The following HS3ST4 variants were observed in gnomAD, a reference collection of about 807,000 sequenced individuals.
HS3ST4 encodes heparan sulfate glucosamine 3-O-sulfotransferase 4.
A neutral mutation model predicts 29.2 loss-of-function variants in HS3ST4; 17 were observed. That is an observed-to-expected ratio of 0.58 (90% CI 0.40 to 0.87). HS3ST4 has a LOEUF of 0.87. Among genes scored for constraint, HS3ST4 ranks in the 40% least tolerant of loss-of-function variants. HS3ST4 has a pLI of 0.00. For missense variants in HS3ST4, 627 were observed against 634.5 expected (o/e 0.99, Z 0.13); for synonymous variants, 314 against 285.7 (o/e 1.10, Z -1.00).
At chr16:26,107,269 A>G (rs35997538) in intron 1 of HS3ST4, among the ~76,000 whole-genome samples, 16,018 of 151,956 alleles carry the variant, frequency 0.11, 997 homozygotes, top group Admixed American at 0.17. Context: ...ACACACATAT[A>G]TATGTAGTTT....
intron 1 of HS3ST4, among the ~76,000 whole-genome samples, chr16:25,874,484 C>G (rs1967808242): frequency 6.6e-6 from 1 of 152,168 alleles, no homozygotes; most frequent in South Asian, 2.1e-4. Flanking sequence ...AGACTCATGG[C>G]CTCTTCTACT....
intron 1 of HS3ST4, among the ~76,000 whole-genome samples, chr16:26,008,741 C>T (rs1405870818): frequency 1.3e-5 from 2 of 152,178 alleles, no homozygotes; most frequent in African/African-American, 4.8e-5. Flanking sequence ...ATCACTAGAA[C>T]CCAGGAGGCG....
chr16:25,939,628 C>T (rs765203790), intron 1 of HS3ST4, among the ~76,000 whole-genome samples: 3 of 152,180 alleles, frequency 2.0e-5, no homozygotes, highest in South Asian at 4.2e-4. Flanking sequence ...CGTGAGCCAC[C>T]GTACCCGGCC....
intron 1 of HS3ST4, among the ~76,000 whole-genome samples, chr16:25,949,591 A>C (rs969622621): frequency 1.3e-5 from 2 of 152,194 alleles, no homozygotes; most frequent in Non-Finnish European, 2.9e-5. Flanking sequence ...TCAGTGTAGA[A>C]TTAGGCTCTA....
intron 1 of HS3ST4, among the ~76,000 whole-genome samples, chr16:25,797,204 A>G (rs553520277): frequency 2.9e-4 from 44 of 152,350 alleles, no homozygotes; most frequent in Non-Finnish European, 5.7e-4. Flanking sequence ...CAGGTTTTCA[A>G]CTTTATCCAT....
At chr16:26,115,296 C>T (rs1026855588) in intron 1 of HS3ST4, among the ~76,000 whole-genome samples, 17 of 137,572 alleles carry the variant, frequency 1.2e-4, no homozygotes, top group African/African-American at 3.5e-4. Flanking sequence ...CAAGTATAAA[C>T]GTATATAAAT....
At chr16:25,840,966 A>ATTTG (rs145806769) in intron 1 of HS3ST4, among the ~76,000 whole-genome samples, 222 of 143,236 alleles carry the variant, frequency 1.5e-3, no homozygotes, top group Non-Finnish European at 2.7e-3. Flanking sequence ...TTTAATTTAT[A>ATTTG]TTTGTTTGTT....
At chr16:26,108,897 G>A (rs1270715078) in intron 1 of HS3ST4, among the ~76,000 whole-genome samples, 1 of 152,062 alleles carries the variant, frequency 6.6e-6, no homozygotes, top group African/African-American at 2.4e-5. Flanking sequence ...CGTATGTTAG[G>A]TGTTGAGCAT....
chr16:25,814,224 G>A (rs1303726525), intron 1 of HS3ST4, among the ~76,000 whole-genome samples: 3 of 152,058 alleles, frequency 2.0e-5, no homozygotes, highest in Non-Finnish European at 4.4e-5. Context: ...GTATGGAAAC[G>A]ATATGTGAAT....
intron 1 of HS3ST4, among the ~76,000 whole-genome samples, chr16:26,042,376 G>GTGTGTGTGTGTT (rs1969643466): frequency 6.6e-6 from 1 of 151,250 alleles, no homozygotes; most frequent in South Asian, 2.1e-4. Flanking sequence ...GTGTGTGTGT[G>GTGTGTGTGTGTT]TGTGTGTTTC....
intron 1 of HS3ST4, among the ~76,000 whole-genome samples, chr16:25,820,104 G>A (rs1967135316): frequency 6.8e-6 from 1 of 146,454 alleles, no homozygotes; most frequent in South Asian, 2.2e-4. Context: ...GTGTGAATGT[G>A]TAGATCTCTA....
intron 1 of HS3ST4, among the ~76,000 whole-genome samples, chr16:25,902,151 G>A (rs147777508): frequency 1.3e-5 from 2 of 152,200 alleles, no homozygotes; most frequent in East Asian, 3.9e-4. Flanking sequence ...ACTGTCCATG[G>A]CCTTGAGTGG....
At position 25,937,804 on chromosome 16, in the gene HS3ST4, T is replaced by C. The variant is rs114817756; in HGVS notation, c.735-197808T>C. Among the ~76,000 whole-genome samples the C allele has an allele frequency of 4.8e-3, 734 of 152,300 alleles. 8 individuals carry two copies. Among genetic ancestry groups the C allele is most frequent in the African/African-American group, 0.017 (692 of 41,558 alleles). On this transcript the variant is annotated intron_variant, in intron 1 of 1. Transcript: ENST00000331351. ...CTCATTTACCCCTTGTATCTTCCCA[T>C]TGACACAGGGAAGTTGGTAAGTATA...
chr16:25,760,001 G>A (rs909916848), intron 1 of HS3ST4, among the ~76,000 whole-genome samples: 4 of 152,132 alleles, frequency 2.6e-5, no homozygotes, highest in Non-Finnish European at 5.9e-5. Flanking sequence ...CTTATAAACA[G>A]GAAAACTGAG....
At position 25,851,707 on chromosome 16, in the gene HS3ST4, TG is replaced by T. The variant is rs1191048637; in HGVS notation, c.734+158560del. Among the ~76,000 whole-genome samples, 16 of 152,212 alleles carry T rather than the reference TG, an allele frequency of 1.1e-4. No individual in the cohort carries two copies. In the East Asian group the frequency reaches 3.1e-3, roughly 29 times the overall value. On this transcript the variant is annotated intron_variant, in intron 1 of 1. Transcript: ENST00000331351. ...GAAGTGGAGTCAGGTGGGTGAACTG[TG>T]GGGCAGGCGGGGGCATGTCAGGAAC...
intron 1 of HS3ST4, among the ~76,000 whole-genome samples, chr16:25,983,034 A>T (rs1380848675): frequency 6.6e-6 from 1 of 152,198 alleles, no homozygotes; most frequent in Non-Finnish European, 1.5e-5. Context: ...TGGAGCTTAC[A>T]TTCCTGTGGA....
At chr16:25,858,119 G>A (rs972462805) in intron 1 of HS3ST4, among the ~76,000 whole-genome samples, 1 of 122,836 alleles carries the variant, frequency 8.1e-6, no homozygotes, top group Non-Finnish European at 1.7e-5. Flanking sequence ...TTTCTTTTTT[G>A]CTAAACTCTT....
chr16:26,126,555 C>G (rs1218337346), intron 1 of HS3ST4, among the ~76,000 whole-genome samples: 1 of 152,224 alleles, frequency 6.6e-6, no homozygotes, highest in Non-Finnish European at 1.5e-5. Context: ...AAAGCCCCAC[C>G]TCTAATGAAG....
intron 1 of HS3ST4, among the ~76,000 whole-genome samples, chr16:26,005,023 CT>C (rs1969245383): frequency 6.6e-6 from 1 of 151,998 alleles, no homozygotes; most frequent in Admixed American, 6.6e-5. Flanking sequence ...ATTTAATAAC[CT>C]TTCTTCCAAG....
Sources: allele counts gnomAD v4.1 joint callset (sites outside exome capture counted in the v4.1 genomes callset), GRCh38; gene constraint gnomAD v4.1.1; transcripts MANE v1.5; gene names NCBI Gene and HGNC (gene_info 2026-07-23, HGNC 2026-07-21).